ZNF787: variants seen among roughly 807,000 people sequenced by gnomAD.
ZNF787 encodes TTF-I-interacting peptide 20.
Under a neutral mutation model 16.9 loss-of-function variants are expected in ZNF787, and 7 were observed. That is an observed-to-expected ratio of 0.42 (90% confidence interval 0.24 to 0.78). The LOEUF (loss-of-function observed/expected upper bound fraction) is 0.78. Among genes scored for constraint, ZNF787 ranks in the 30% least tolerant of loss-of-function variants. The pLI, the probability that ZNF787 is intolerant of heterozygous loss-of-function variation, is 0.30. For synonymous variants in ZNF787, 345 were observed against 270.9 expected, an observed-to-expected ratio of 1.27 and a Z score of -2.69; for missense variants, 551 against 589.3, an observed-to-expected ratio of 0.94 and a Z score of 0.67.
At chr19:56,096,116 G>A (rs1264019846) in intron 2 of ZNF787, among the ~76,000 whole-genome samples, 8 of 152,144 alleles carry the variant, frequency 5.3e-5, no homozygotes, top group Non-Finnish European at 7.4e-5. Flanking sequence ...TCATCTGGCC[G>A]GGCACGGTGG....
At chr19:56,093,115 G>A (rs557824015) in intron 2 of ZNF787, among the ~76,000 whole-genome samples, 86 of 150,614 alleles carry the variant, frequency 5.7e-4, no homozygotes, top group African/African-American at 2.1e-3. Flanking sequence ...AGGGGATGGC[G>A]GAAGTGGGAT....
At chr19:56,099,195 C>T (rs945899693) in intron 2 of ZNF787, among the ~76,000 whole-genome samples, 2 of 152,186 alleles carry the variant, frequency 1.3e-5, no homozygotes, top group South Asian at 2.1e-4. Flanking sequence ...GCCACACTGC[C>T]ACATCCCCTG....
intron 1 of ZNF787, among the ~76,000 whole-genome samples, chr19:56,110,064 T>A (rs914510241): frequency 2.6e-5 from 4 of 152,098 alleles, no homozygotes; most frequent in African/African-American, 9.7e-5. Flanking sequence ...TTGTACATTT[T>A]AAAAAAGCAA....
intron 2 of ZNF787, among the ~76,000 whole-genome samples, chr19:56,092,412 C>T (rs1330092821): frequency 1.3e-5 from 2 of 152,188 alleles, no homozygotes; most frequent in South Asian, 2.1e-4. Flanking sequence ...AGATCCCCTA[C>T]GCCCCAGGCT....
chr19:56,089,313 C>G (rs546782237), intron 2 of ZNF787, among the ~76,000 whole-genome samples: 7 of 152,242 alleles, frequency 4.6e-5, no homozygotes, highest in Middle Eastern at 3.4e-3. Context: ...CAGTTTACCC[C>G]CAACCTCTAG....
chr19:56,117,205 C>T (rs1211312070), intron 1 of ZNF787, among the ~76,000 whole-genome samples: 1 of 152,260 alleles, frequency 6.6e-6, no homozygotes, highest in African/African-American at 2.4e-5. Flanking sequence ...GTTGTATAGA[C>T]AAGGAAACTG....
At chr19:56,094,877 G>C (rs1208487091) in intron 2 of ZNF787, among the ~76,000 whole-genome samples, 1 of 152,112 alleles carries the variant, frequency 6.6e-6, no homozygotes, top group African/African-American at 2.4e-5. Context: ...TTGGGAGGCC[G>C]AGGCAGGCGG....
At chr19:56,116,981 G>A (rs887508903) in intron 1 of ZNF787, among the ~76,000 whole-genome samples, 1 of 152,210 alleles carries the variant, frequency 6.6e-6, no homozygotes, top group Non-Finnish European at 1.5e-5. Context: ...CACAATCAGT[G>A]GGAGACAGTG....
intron 1 of ZNF787, among the ~76,000 whole-genome samples, chr19:56,118,274 G>C (rs943836272): frequency 2.0e-5 from 3 of 152,164 alleles, no homozygotes; most frequent in Non-Finnish European, 4.4e-5. Flanking sequence ...CGAGCCACTT[G>C]TGCTTCTCCC....
chr19:56,089,016 G>C lies in ZNF787; in HGVS notation c.156C>G (p.Pro52=), dbSNP rs761339887. The C allele has an allele frequency of 4.0e-6, 6 of 1,488,812 alleles. No individual in the cohort carries two copies. Among genetic ancestry groups the C allele is most frequent in the Non-Finnish European group, 5.3e-6 (6 of 1,122,890 alleles). 92.2% of individuals were successfully genotyped at this position (1,488,812 alleles called of 1,614,324 possible). A position where few individuals can be genotyped will look rare whatever the true frequency, so the allele number is the denominator to read the frequency against. The change falls in exon 3 of 3, where the codon CCC becomes CCG. Residue 52 remains proline (P), a synonymous_variant. Coordinates refer to ENST00000610935, the MANE Select transcript of ZNF787 (RefSeq NM_001002836.4). ...GCGGCCGGGGAGGCGGGCCGGCTGG[G>C]GGCGCAGACTGGGGCGGGGACAGCT... The part of the protein sequence containing the change: ...PTKLSPPQSA[P]PAGPPPRPRP...
At chr19:56,112,325 G>A (rs1350442651) in intron 1 of ZNF787, among the ~76,000 whole-genome samples, 1 of 152,058 alleles carries the variant, frequency 6.6e-6, no homozygotes, top group African/African-American at 2.4e-5. Context: ...TTTCTCAGTC[G>A]GGGTCTCAGG....
chr19:56,105,173 A>C (rs995794473), intron 1 of ZNF787, among the ~76,000 whole-genome samples: 11 of 112,708 alleles, frequency 9.8e-5, no homozygotes, highest in African/African-American at 3.1e-4. Context: ...AAATAAAATG[A>C]AACAGGCTCT....
At chr19:56,091,363 A>G (rs965016129) in intron 2 of ZNF787, among the ~76,000 whole-genome samples, 3 of 152,214 alleles carry the variant, frequency 2.0e-5, no homozygotes, top group East Asian at 3.8e-4. Context: ...TCATGACGAC[A>G]TGAATTCTGA....
At chr19:56,116,991 G>T (rs2030155137) in intron 1 of ZNF787, among the ~76,000 whole-genome samples, 1 of 152,188 alleles carries the variant, frequency 6.6e-6, no homozygotes, top group South Asian at 2.1e-4. Flanking sequence ...GGGAGACAGT[G>T]CGAGGCCATG....
chr19:56,108,567 C>T (rs957775711), intron 1 of ZNF787, among the ~76,000 whole-genome samples: 1 of 152,046 alleles, frequency 6.6e-6, no homozygotes, highest in African/African-American at 2.4e-5. Flanking sequence ...CGTGTCTCTG[C>T]TTAGCTGGCC....
chr19:56,117,835 T>C (rs949121294), intron 1 of ZNF787, among the ~76,000 whole-genome samples: 3 of 152,214 alleles, frequency 2.0e-5, no homozygotes, highest in African/African-American at 7.2e-5. Context: ...TGGCTCTGAC[T>C]GGCTGGACCC....
chr19:56,117,888 A>AGC (rs2030183363), intron 1 of ZNF787, among the ~76,000 whole-genome samples: 1 of 152,228 alleles, frequency 6.6e-6, no homozygotes, highest in Admixed American at 6.5e-5. Flanking sequence ...TCTGGGTCCC[A>AGC]ACACTATCCA....
chr19:56,113,611 C>T (rs944257409), intron 1 of ZNF787, among the ~76,000 whole-genome samples: 2 of 152,078 alleles, frequency 1.3e-5, no homozygotes, highest in Non-Finnish European at 2.9e-5. Flanking sequence ...CAGAACAGCA[C>T]GATTCTATTT....
intron 1 of ZNF787, among the ~76,000 whole-genome samples, chr19:56,105,767 A>G (rs534029439): frequency 2.4e-4 from 36 of 152,126 alleles, no homozygotes; most frequent in Admixed American, 1.2e-3. Flanking sequence ...ACATTCCCCC[A>G]TGTAAAGTGT....
Sources: allele counts gnomAD v4.1 joint callset (sites outside exome capture counted in the v4.1 genomes callset), GRCh38; gene constraint gnomAD v4.1.1; transcripts MANE v1.5; gene names NCBI Gene and HGNC (gene_info 2026-07-23, HGNC 2026-07-21).